The following ATP13A5 variants were observed in gnomAD, a reference collection of about 807,000 sequenced individuals.
ATP13A5 encodes ATPase 13A5, also known as probable cation-transporting ATPase 13A5.
Under a neutral mutation model 150.2 loss-of-function variants are expected in ATP13A5, and 149 were observed. The ratio of observed to expected loss-of-function variants is 0.99; its 90% CI spans 0.87 to 1.14. The LOEUF (loss-of-function observed/expected upper bound fraction) is 1.14, where lower values mean the gene tolerates loss of function less well. Among genes scored for constraint, ATP13A5 ranks in the 50% most tolerant of loss-of-function variants. The pLI is 0.00. For synonymous variants in ATP13A5, 497 were observed against 522.2 expected (o/e 0.95, Z 0.66); for missense variants, 1,383 against 1,449.3 (o/e 0.95, Z 0.74).
Position 193,289,968 on chromosome 3 carries a change from A to G in ATP13A5, c.2940T>C (p.Asn980=), listed in dbSNP as rs1486124042. Residue 980 remains asparagine (N), a synonymous_variant, in exon 26 of 30, where the codon AAT becomes AAC. Transcript: ENST00000342358. ...TCTGCACAATGCAGGAGAAACAGGA[A>G]TTCAAAAATATTGAAAGCAGTAAAG... ...SPPLLLSIFL[N]SCFSCIVQIS... is the part of the protein sequence containing the mutation. The G allele has an allele frequency of 1.9e-6, 3 of 1,613,036 alleles. No homozygotes were observed. The highest frequency in any genetic ancestry group is 2.5e-6 in the Non-Finnish European group (3 of 1,179,312).
intron 9 of ATP13A5, among the ~76,000 whole-genome samples, chr3:193,339,653 T>G (rs910507753): frequency 5.9e-5 from 9 of 152,218 alleles, no homozygotes; most frequent in Middle Eastern, 3.2e-3. Context: ...ATTATGATAT[T>G]CATCCATTGT....
intron 5 of ATP13A5, among the ~76,000 whole-genome samples, chr3:193,354,572 A>G (rs1270682677): frequency 1.3e-5 from 2 of 151,786 alleles, no homozygotes. Flanking sequence ...CCTTGATGCT[A>G]GAAGTCATAT....
chr3:193,310,807 A>G, intron 20 of ATP13A5, 90 bp from the exon 21 acceptor site: 7 of 916,890 alleles, frequency 7.6e-6, no homozygotes, highest in Non-Finnish European at 1.2e-5. Flanking sequence ...ACTCCTGGTT[A>G]CTAATTTAAT....
rs751616439 is a variant in ATP13A5, at chr3:193,344,893, T to G, written c.814+110A>C. On this transcript the variant is annotated intron_variant, in intron 8 of 29. Coordinates refer to ENST00000342358, the MANE Select transcript of ATP13A5 (RefSeq NM_198505.4). The stretch of plus-strand genomic sequence containing the variant: ...CTTTGCCTCACCCTCGTCCCAGTTC[T>G]GGGTTCAATCTGAAAAGATTATTTC... The G allele has an allele frequency of 2.2e-4, 249 of 1,121,978 alleles. 1 individual carries two copies. Among genetic ancestry groups the G allele is most frequent in the Non-Finnish European group, 3.1e-4 (233 of 750,972 alleles). The allele number at this position is 1,121,978 out of a possible 1,614,324, so 69.5% of individuals were successfully genotyped here.
chr3:193,307,096 G>A, intron 22 of ATP13A5: 1 of 1,344,600 alleles, frequency 7.4e-7, no homozygotes. Context: ...AGTCTAAGTA[G>A]CCTTCCTTTG....
At position 193,305,544 on chromosome 3, in the gene ATP13A5, GA is replaced by G; in HGVS notation, c.2678+14del. 6.2e-7 allele frequency: 1 copy of G among 1,605,464 alleles called. No homozygotes were observed. The highest frequency in any genetic ancestry group is 1.7e-5 in the Admixed American group (1 of 59,938). On this transcript the variant is annotated intron_variant, in intron 23 of 29. Transcript: ENST00000342358. Reference sequence around the variant, plus strand: ...CCCATTGATTGTAGGGCTGGAAGAGGAAAAAATGACTTACCTGATGAGATGA... The same window carrying G: ...CCCATTGATTGTAGGGCTGGAAGAGGAAAAATGACTTACCTGATGAGATGA...
chr3:193,288,272 G>A (rs545407166), intron 26 of ATP13A5, among the ~76,000 whole-genome samples: 7 of 152,242 alleles, frequency 4.6e-5, no homozygotes, highest in African/African-American at 1.7e-4. Context: ...TGAAAGTACT[G>A]AGATGGGATA....
intron 9 of ATP13A5, among the ~76,000 whole-genome samples, chr3:193,340,009 A>G (rs1345386545): frequency 6.6e-6 from 1 of 152,188 alleles, no homozygotes; most frequent in African/African-American, 2.4e-5. Context: ...CTATTTGCAT[A>G]TTAATAAGAA....
chr3:193,325,269 A>C (rs1041394062), intron 13 of ATP13A5, among the ~76,000 whole-genome samples: 1 of 152,030 alleles, frequency 6.6e-6, no homozygotes, highest in Admixed American at 6.5e-5. Context: ...TCCACATTAA[A>C]CTTCTTGCTA....
At chr3:193,367,355 C>A (rs943767085) in intron 1 of ATP13A5, among the ~76,000 whole-genome samples, 8 of 151,872 alleles carry the variant, frequency 5.3e-5, no homozygotes, top group African/African-American at 1.9e-4. Context: ...TTAAAAGCTC[C>A]CTGCAAAGAA....
In ATP13A5 at chr3:193,343,965, A is replaced by T. The variant is rs763104155; in HGVS notation, c.905T>A (p.Ile302Asn). 2 of 1,613,322 alleles carry T rather than the reference A, an allele frequency of 1.2e-6. No individual in the cohort carries two copies. The highest frequency in any genetic ancestry group is 2.7e-5 in the African/African-American group (2 of 74,870). The change falls in exon 9 of 30, where the codon ATT becomes AAT. Residue 302 changes from isoleucine (I) to asparagine (N), a missense_variant. This residue lies in a region of ATP13A5 where 787 missense variants were observed against 771.9 expected (regional missense o/e 1.02). Transcript: ENST00000342358. ...KFSLPCDAVL[I>N]DGSCVVNEGM... ...TTCATTCACCACGCAGCTTCCATCAATCAAAACAGCATCACATGGCAATGA... is the reference window on the plus strand; with the variant it reads ...TTCATTCACCACGCAGCTTCCATCATTCAAAACAGCATCACATGGCAATGA...
intron 25 of ATP13A5, among the ~76,000 whole-genome samples, chr3:193,297,711 T>C (rs1017636018): frequency 2.0e-5 from 3 of 152,064 alleles, no homozygotes; most frequent in African/African-American, 7.2e-5. Context: ...GATGCGAGAC[T>C]GAGTTTCCCA....
chr3:193,374,706 GC>G (rs983997909), intron 1 of ATP13A5, among the ~76,000 whole-genome samples: 2 of 151,726 alleles, frequency 1.3e-5, no homozygotes, highest in African/African-American at 4.8e-5. Context: ...GCACTGTAAT[GC>G]CCCCTTAAGA....
At chr3:193,344,724 CGGAATGAGGGCTTG>C (rs749535490) in intron 8 of ATP13A5, among the ~76,000 whole-genome samples, 1 of 152,110 alleles carries the variant, frequency 6.6e-6, no homozygotes, top group Non-Finnish European at 1.5e-5. Context: ...GTAAGAATGA[CGGAATGAGGGCTTG>C]GGTGAGGGTA....
chr3:193,372,080 C>CCT, intron 1 of ATP13A5: 1 of 152,356 alleles, frequency 6.6e-6, no homozygotes, highest in Non-Finnish European at 1.5e-5. Flanking sequence ...AGGCAGATCA[C>CCT]GAGGTCAGGG....
intron 1 of ATP13A5, among the ~76,000 whole-genome samples, chr3:193,374,061 A>G (rs1256628822): frequency 1.3e-5 from 2 of 152,230 alleles, no homozygotes; most frequent in Non-Finnish European, 2.9e-5. Flanking sequence ...AGTCATCTTC[A>G]GAAAGCAAAT....
chr3:193,343,108 C>T (rs1712191752), intron 9 of ATP13A5, among the ~76,000 whole-genome samples: 1 of 152,126 alleles, frequency 6.6e-6, no homozygotes, highest in South Asian at 2.1e-4. Flanking sequence ...AATGAACTCT[C>T]CCTACATTTA....
intron 19 of ATP13A5, chr3:193,313,548 T>C (rs1465201354): frequency 6.5e-6 from 1 of 154,884 alleles, no homozygotes; most frequent in Non-Finnish European, 1.4e-5. Context: ...TATAGTACAA[T>C]CTAAATGCCC....
At chr3:193,302,974 C>T (rs187829167) in intron 23 of ATP13A5, among the ~76,000 whole-genome samples, 14 of 152,244 alleles carry the variant, frequency 9.2e-5, no homozygotes, top group South Asian at 4.1e-4. Flanking sequence ...ACTTGTATTC[C>T]GTAACAGTAC....
Sources: gnomAD v4.1 joint callset for allele counts (sites outside exome capture counted in the v4.1 genomes callset) on GRCh38, gnomAD v4.1.1 for gene constraint, gnomAD v4.1.1 regional missense constraint, MANE v1.5 for transcripts, NCBI Gene and HGNC (gene_info 2026-07-23, HGNC 2026-07-21) for gene names.